Variants in SH3PXD2B observed in about 807,000 individuals in gnomAD.
SH3PXD2B encodes the protein SH3 and PX domains 2B, also known as SH3 and PX domain-containing protein 2B.
Under a neutral mutation model 73.1 loss-of-function variants are expected in SH3PXD2B, and 37 were observed. The ratio of observed to expected loss-of-function variants is 0.51; its 90% CI spans 0.39 to 0.67. SH3PXD2B has a LOEUF of 0.67. SH3PXD2B is among the 30% of genes least tolerant of loss of function. The pLI, the probability that SH3PXD2B is intolerant of heterozygous loss-of-function variation, is 0.00. For synonymous variants in SH3PXD2B, 457 were observed against 480.5 expected, an observed-to-expected ratio of 0.95 and a Z score of 0.64; for missense variants, 1,053 against 1,197.8, an observed-to-expected ratio of 0.88 and a Z score of 1.78.
At chr5:172,394,863 G>C (rs1010829478) in intron 3 of SH3PXD2B, among the ~76,000 whole-genome samples, 1 of 152,158 alleles carries the variant, frequency 6.6e-6, no homozygotes, top group African/African-American at 2.4e-5. Flanking sequence ...TTGGGGGAAT[G>C]GGACCCACGG....
chr5:172,355,675 G>T (rs1757256273), intron 8 of SH3PXD2B, among the ~76,000 whole-genome samples: 1 of 151,908 alleles, frequency 6.6e-6, no homozygotes, highest in African/African-American at 2.4e-5. Flanking sequence ...CTCCCGAGTA[G>T]CTGGGACTAC....
intron 2 of SH3PXD2B, among the ~76,000 whole-genome samples, chr5:172,419,723 G>A (rs1294390338): frequency 2.6e-5 from 4 of 152,036 alleles, no homozygotes; most frequent in Admixed American, 1.3e-4. Flanking sequence ...CCCTCTCTTC[G>A]TGCCCAAGCT....
rs149049171 is a variant in SH3PXD2B at position 172,405,194 on chromosome 5, A to G, written c.232+1083T>C. Reference sequence around the variant, plus strand: ...AACAGAGACTAGGCATAATTGCATTAAACGCTGCACAGCAGCTGGTGTGCT... The same window carrying G: ...AACAGAGACTAGGCATAATTGCATTGAACGCTGCACAGCAGCTGGTGTGCT... On this transcript the variant is annotated intron_variant, in intron 3 of 12. Transcript: ENST00000311601. Among the ~76,000 whole-genome samples the G allele has an allele frequency of 5.5e-3, 838 of 152,408 alleles. 3 individuals are homozygous for G. The highest frequency in any genetic ancestry group is 6.8e-3 in the Non-Finnish European group (464 of 68,046).
In SH3PXD2B at chr5:172,340,022, T is replaced by G. The variant is rs996719273; in HGVS notation, c.1189-106A>C. 1.6e-5 allele frequency: 25 copies of G among 1,559,160 alleles called. No homozygotes were observed. The African/African-American group carries it at 3.4e-4, about 21-fold the overall frequency. ...ACTGGAGCTCTAGAAGCTGTCACTG[T>G]GTACTCAGCAGCTCCTCTGACAAGG... On this transcript the variant is annotated intron_variant, in intron 12 of 12. Coordinates refer to ENST00000311601, the MANE Select transcript of SH3PXD2B (RefSeq NM_001017995.3).
chr5:172,402,873 C>T (rs972433490), intron 3 of SH3PXD2B, among the ~76,000 whole-genome samples: 9 of 152,376 alleles, frequency 5.9e-5, no homozygotes, highest in Middle Eastern at 6.8e-3. Context: ...AGTGCACGTT[C>T]TTTCCTCAAC....
At chr5:172,345,316 C>T (rs752819369) in intron 12 of SH3PXD2B, among the ~76,000 whole-genome samples, 18 of 152,050 alleles carry the variant, frequency 1.2e-4, no homozygotes, top group African/African-American at 4.1e-4. Flanking sequence ...AGGATGGTGA[C>T]GACAACTCTT....
chr5:172,369,992 GT>G (rs1381877867), intron 6 of SH3PXD2B, among the ~76,000 whole-genome samples: 1 of 152,080 alleles, frequency 6.6e-6, no homozygotes, highest in Non-Finnish European at 1.5e-5. Flanking sequence ...CCTAGTAGGT[GT>G]TTAAATAAAT....
intron 12 of SH3PXD2B, among the ~76,000 whole-genome samples, chr5:172,340,948 C>T (rs1218860857): frequency 1.3e-5 from 2 of 152,094 alleles, no homozygotes; most frequent in East Asian, 1.9e-4. Flanking sequence ...AAGAGATGCT[C>T]GTGTTTATAT....
At chr5:172,347,435 C>T (rs1473245402) in intron 10 of SH3PXD2B, 103 bp from the exon 11 acceptor site, 18 of 1,169,810 alleles carry the variant, frequency 1.5e-5, no homozygotes, top group South Asian at 3.8e-5. Context: ...TGAACACAGG[C>T]GTCTGCATGC....
chr5:172,429,138 G>A (rs879461422), intron 1 of SH3PXD2B, among the ~76,000 whole-genome samples: 3 of 152,222 alleles, frequency 2.0e-5, no homozygotes, highest in East Asian at 1.9e-4. Flanking sequence ...TCTAGGCTTC[G>A]TGAATAAATG....
intron 11 of SH3PXD2B, 111 bp downstream of exon 11, chr5:172,347,172 G>A (rs1581264461): frequency 9.3e-7 from 1 of 1,077,556 alleles, no homozygotes; most frequent in East Asian, 2.4e-5. Context: ...GCTGTTGTGT[G>A]GACAGGAAAG....
At chr5:172,376,025 ATCT>A (rs201754952) in intron 5 of SH3PXD2B, among the ~76,000 whole-genome samples, 1,506 of 145,918 alleles carry the variant, frequency 0.01, 27 homozygotes, top group African/African-American at 0.037. Flanking sequence ...CTTGTCATGT[ATCT>A]TCTTTTTTTT....
At position 172,368,654 on chromosome 5, in the gene SH3PXD2B, T is replaced by A. The variant is rs1301462281; in HGVS notation, c.427+5136A>T. Among the ~76,000 whole-genome samples, 9 of 24,708 alleles carry A rather than the reference T, an allele frequency of 3.6e-4. 1 individual carries two copies. The highest frequency in any genetic ancestry group is 9.4e-4 in the African/African-American group (3 of 3,204). 16.2% of individuals were successfully genotyped at this position (24,708 alleles called of 152,430 possible). On this transcript the variant is annotated intron_variant, in intron 6 of 12. Transcript: ENST00000311601. ...TAATATATATGTTATATATATAAAA[T>A]ATATATATTATATATATATAAAATA...
exon 13 of SH3PXD2B, chr5:172,325,335 T>G (rs1053619038): frequency 7.8e-6 from 12 of 1,535,484 alleles, no homozygotes; most frequent in Non-Finnish European, 1.0e-5. Context: ...TTGATTCTTC[T>G]AAGAGGGACT....
At position 172,333,615 on chromosome 5, in the gene SH3PXD2B, C is replaced by G; in HGVS notation, c.*4754G>C. On this transcript the variant is annotated 3_prime_UTR_variant, in exon 13 of 13. Coordinates refer to ENST00000311601, the MANE Select transcript of SH3PXD2B (RefSeq NM_001017995.3). ...ATGCTACAGCTAGTTGTTCTCACCC[C>G]TCCCCTCACATCCTATATACTCATT... The G allele has an allele frequency of 7.8e-7, 1 of 1,285,200 alleles. No homozygotes were observed. The highest frequency in any genetic ancestry group is 5.6e-5 in the East Asian group (1 of 17,956). 79.6% of individuals were successfully genotyped at this position (1,285,200 alleles called of 1,614,324 possible).
chr5:172,375,021 GAACT>G (rs1757792478), intron 5 of SH3PXD2B, among the ~76,000 whole-genome samples: 1 of 152,124 alleles, frequency 6.6e-6, no homozygotes. Context: ...AACCCAGATC[GAACT>G]AACTTTTAAA....
At position 172,333,545 on chromosome 5, in the gene SH3PXD2B, A is replaced by T; in HGVS notation, c.*4824T>A. 8.5e-7 allele frequency: 1 copy of T among 1,170,034 alleles called. No individual in the cohort carries two copies. The highest frequency in any genetic ancestry group is 1.1e-6 in the Non-Finnish European group (1 of 936,942). The allele number at this position is 1,170,034 out of a possible 1,614,324, so 72.5% of individuals were successfully genotyped here. On this transcript the variant is annotated 3_prime_UTR_variant, in exon 13 of 13. Transcript: ENST00000311601. ...AGTCAAGCACTTTTTTTATTTAAAA[A>T]AAAAAAAAGGAAAGAAGTCAAATGG...
intron 3 of SH3PXD2B, among the ~76,000 whole-genome samples, chr5:172,397,584 C>T (rs1024049552): frequency 2.0e-5 from 3 of 152,212 alleles, no homozygotes; most frequent in Admixed American, 1.3e-4. Flanking sequence ...CTCTTTTGTA[C>T]TCTTTCCCTT....
chr5:172,428,268 G>A (rs115954934), intron 1 of SH3PXD2B, among the ~76,000 whole-genome samples: 1,902 of 152,242 alleles, frequency 0.012, 40 homozygotes, highest in African/African-American at 0.043. Context: ...ATTACAAGAT[G>A]GACAAAACTT....
Sources: gnomAD v4.1 joint callset for allele counts (sites outside exome capture counted in the v4.1 genomes callset) on GRCh38, gnomAD v4.1.1 for gene constraint, MANE v1.5 for transcripts, NCBI Gene and HGNC (gene_info 2026-07-23, HGNC 2026-07-21) for gene names.